DHX37: variants seen among roughly 807,000 people sequenced by gnomAD.
DHX37 encodes DEAH-box helicase 37.
Under a neutral mutation model 134.3 loss-of-function variants are expected in DHX37, and 52 were observed. That is an observed-to-expected ratio of 0.39 (90% CI 0.31 to 0.49). The LOEUF (loss-of-function observed/expected upper bound fraction) is 0.49. Among genes scored for constraint, DHX37 ranks in the 20% least tolerant of loss-of-function variants. DHX37 has a pLI of 0.93. For missense variants in DHX37, 1,344 were observed against 1,580.8 expected (o/e 0.85, Z 2.54); for synonymous variants, 634 against 670.7 (o/e 0.95, Z 0.85).
In DHX37 at chr12:124,982,611, G is replaced by A. The variant is rs780061121; in HGVS notation, c.289C>T (p.Leu97=). Residue 97 remains leucine, a synonymous_variant, in exon 3 of 27, where the codon CTA becomes TTA. Transcript: ENST00000308736. ...GCCTGGACTTCACTCAGCTTCTGTA[G>A]CATCTCTGCTCGCTGGGAAAGGAAA... ...KEKKSQRAEM[L]QKLSEVQASE... The A allele has an allele frequency of 5.6e-6, 9 of 1,613,548 alleles. No individual in the cohort carries two copies. The highest frequency in any genetic ancestry group is 7.6e-6 in the Non-Finnish European group (9 of 1,179,710).
chr12:124,986,179 A>G lies in DHX37; in HGVS notation c.193T>C (p.Ser65Pro), dbSNP rs1416814314. ...GTCAGAGGCTTCTTCTCCTTCTTCG[A>G]CAGGGGAGGGGCTTTGGTCTTCTTT... Reference protein sequence around the residue: ...KKKKTKAPPLSKKEKKPLTKK... With the variant: ...KKKKTKAPPLPKKEKKPLTKK... Residue 65 changes from serine to proline, a missense_variant, in exon 2 of 27, where the codon TCG becomes CCG. By Grantham distance (74) the Ser-to-Pro change is moderately conservative (BLOSUM62 -1). This residue lies in a region of DHX37 where 319 missense variants were observed against 296.1 expected (regional missense o/e 1.08). Transcript: ENST00000308736. 1 of 1,614,154 alleles carries G rather than the reference A, an allele frequency of 6.2e-7. No individual in the cohort carries two copies. The highest frequency in any genetic ancestry group is 1.7e-5 in the Admixed American group (1 of 60,006).
chr12:124,959,362 C>T (rs912426028), intron 16 of DHX37, among the ~76,000 whole-genome samples: 6 of 150,922 alleles, frequency 4.0e-5, no homozygotes, highest in African/African-American at 1.5e-4. Context: ...CGTGAGCCAC[C>T]ACGCCCAGCC....
rs140332998 is a variant in DHX37, at chr12:124,963,096, C to A, written c.2045+1298G>T. Among the ~76,000 whole-genome samples the A allele has an allele frequency of 1.3e-4, 20 of 152,270 alleles. 2 individuals carry two copies. Among genetic ancestry groups the A allele is most frequent in the African/African-American group, 4.6e-4 (19 of 41,562 alleles). Reference sequence around the variant, plus strand: ...CACAATAGCCAAGAGGTGAAAACAACCAAACGTCCACCAGCTGATGAACAG... The same window carrying A: ...CACAATAGCCAAGAGGTGAAAACAAACAAACGTCCACCAGCTGATGAACAG... On this transcript the variant is annotated intron_variant, in intron 15 of 26. Transcript: ENST00000308736.
chr12:124,950,221 G>A lies in DHX37; in HGVS notation c.3144C>T (p.Pro1048=), dbSNP rs111822023. The change falls in exon 24 of 27, where the codon CCC becomes CCT. Residue 1048 remains proline (P), a synonymous_variant. Transcript: ENST00000308736. ...SVFYRVGWPL[P]AIEVDFPEGI... is the part of the protein sequence containing the mutation. The stretch of plus-strand genomic sequence containing the variant: ...CCTCTGGAAAATCCACCTCGATGGC[G>A]GGGAGCGGCCAGCCCACGCGATCTA... The A allele has an allele frequency of 4.1e-5, 66 of 1,613,772 alleles. No individual in the cohort carries two copies. The highest frequency in any genetic ancestry group is 1.6e-4 in the Middle Eastern group (1 of 6,084).
chr12:124,974,652 G>A (rs1034024936), intron 6 of DHX37, among the ~76,000 whole-genome samples: 1 of 151,616 alleles, frequency 6.6e-6, no homozygotes, highest in Non-Finnish European at 1.5e-5. Flanking sequence ...TTTAGACCAT[G>A]CTGGACATGT....
Position 124,947,646 on chromosome 12 carries a change from G to T in DHX37, c.*156C>A. ...ACGGGCGGCAGCACCCTTCATACGG[G>T]ATCGAGCTCTCATGGATGAGGGTTC... On this transcript the variant is annotated 3_prime_UTR_variant, in exon 27 of 27. Coordinates refer to ENST00000308736, the MANE Select transcript of DHX37 (RefSeq NM_032656.4). 1 of 989,622 alleles carries T rather than the reference G, an allele frequency of 1.0e-6. No homozygotes were observed. The highest frequency in any genetic ancestry group is 3.0e-5 in the Admixed American group (1 of 33,332). The allele number at this position is 989,622 out of a possible 1,614,324, so 61.3% of individuals were successfully genotyped here.
Position 124,952,582 on chromosome 12 carries a change from A to G in DHX37, c.2696-12T>C. On this transcript the variant is annotated splice_polypyrimidine_tract_variant and intron_variant, in intron 20 of 26. Coordinates refer to ENST00000308736, the MANE Select transcript of DHX37 (RefSeq NM_032656.4). ...GCACACGGCATTGACTGAGGGGAGA[A>G]CCAAGAGTGAGGTCGGTGGTGGCAA... The G allele has an allele frequency of 6.4e-7, 1 of 1,562,070 alleles. No homozygotes were observed. The highest frequency in any genetic ancestry group is 8.7e-7 in the Non-Finnish European group (1 of 1,147,336).
At position 124,972,267 on chromosome 12, in the gene DHX37, G is replaced by A. The variant is rs958280883; in HGVS notation, c.1077+236C>T. 2.0e-5 allele frequency among the ~76,000 whole-genome samples: 3 copies of A among 152,256 alleles called. No individual in the cohort carries two copies. The East Asian group carries it at 5.8e-4, about 29-fold the overall frequency. The stretch of plus-strand genomic sequence containing the variant: ...TAGGTACGGGCCACTGTGCTAAGCT[G>A]TCAGCATGCACTCTACAACTTCCGC... On this transcript the variant is annotated intron_variant, in intron 7 of 26. Coordinates refer to ENST00000308736, the MANE Select transcript of DHX37 (RefSeq NM_032656.4).
chr12:124,986,588 G>A (rs1370788196), intron 1 of DHX37, among the ~76,000 whole-genome samples: 1 of 151,858 alleles, frequency 6.6e-6, no homozygotes, highest in Admixed American at 6.6e-5. Context: ...GTGGGTGCCT[G>A]CAATCCCAGC....
chr12:124,947,740 ACAGGCTGCTGC>A lies in DHX37; in HGVS notation c.*51_*61del. 6.7e-7 allele frequency: 1 copy of A among 1,502,100 alleles called. No individual in the cohort carries two copies. The highest frequency in any genetic ancestry group is 2.3e-5 in the East Asian group (1 of 43,470). 93.0% of individuals were successfully genotyped at this position (1,502,100 alleles called of 1,614,324 possible). ...GCCAGGTGGTCACGGTCGCACGGTGACAGGCTGCTGCCAGCCCTCCAGTCCCCAAACCAGTC... is the reference window on the plus strand; with the variant it reads ...GCCAGGTGGTCACGGTCGCACGGTGACAGCCCTCCAGTCCCCAAACCAGTC... On this transcript the variant is annotated 3_prime_UTR_variant, in exon 27 of 27. Transcript: ENST00000308736.
intron 20 of DHX37, chr12:124,952,883 G>A (rs958324421): frequency 9.8e-6 from 2 of 203,636 alleles, no homozygotes; most frequent in African/African-American, 4.6e-5. Flanking sequence ...ATGTGAAGAA[G>A]GAAGTTGCGG....
chr12:124,961,621 G>T (rs1324664661), intron 15 of DHX37, among the ~76,000 whole-genome samples: 1 of 152,140 alleles, frequency 6.6e-6, no homozygotes, highest in African/African-American at 2.4e-5. Context: ...TAGAGACAGG[G>T]TTTCACTATG....
At position 124,980,855 on chromosome 12, in the gene DHX37, G is replaced by A. The variant is rs765791739; in HGVS notation, c.390-17C>T. On this transcript the variant is annotated splice_polypyrimidine_tract_variant and intron_variant, in intron 3 of 26. Transcript: ENST00000308736. This position sits in a 1 kb window ranked among gnomAD's most constrained non-coding sequence, Gnocchi z 5.3. The stretch of plus-strand genomic sequence containing the variant: ...TCAGCCTTCCTGTTGAGATAGCAGA[G>A]ACTTCAGGCACAGAGGCCCCACCTC... The A allele has an allele frequency of 9.1e-6, 14 of 1,544,006 alleles. 1 individual carries two copies. The highest frequency in any genetic ancestry group is 2.6e-6 in the Non-Finnish European group (3 of 1,149,258).
chr12:124,950,322 C>G, intron 23 of DHX37, 79 bp from the exon 24 acceptor site: 1 of 1,604,506 alleles, frequency 6.2e-7, no homozygotes, highest in Non-Finnish European at 8.5e-7. Flanking sequence ...ACCCGAGACA[C>G]ACACGTCCGG....
intron 25 of DHX37, 166 bp from the exon 26 acceptor site, chr12:124,948,347 G>A (rs1446662069): frequency 9.5e-6 from 12 of 1,267,724 alleles, no homozygotes; most frequent in South Asian, 3.1e-5. Flanking sequence ...TTACTCAGGG[G>A]GCTGAAGTAG....
chr12:124,965,879 G>A, intron 12 of DHX37, 67 bp from the exon 13 acceptor site: 7 of 1,559,192 alleles, frequency 4.5e-6, no homozygotes, highest in Non-Finnish European at 6.1e-6. Flanking sequence ...GGCACGTGCA[G>A]GAAGACAGGT....
rs576525132 is a variant in DHX37 at position 124,960,328 on chromosome 12, G to A, written c.2141C>T (p.Ala714Val). The part of the protein sequence containing the change: ...PVEDLILQMK[A>V]LNVEKVINFP... ...GCAACTGACCTTTTCAACGTTGAGC[G>A]CCTTCATTTGAAGGATTAAGTCTTC... The change falls in exon 16 of 27, where the codon GCG becomes GTG. Residue 714 changes from alanine (A) to valine (V), a missense_variant. Transcript: ENST00000308736. The A allele has an allele frequency of 1.2e-4, 186 of 1,613,706 alleles. 3 individuals carry two copies. In the South Asian group the frequency reaches 1.8e-3, roughly 16 times the overall value.
intron 25 of DHX37, among the ~76,000 whole-genome samples, chr12:124,948,920 G>A (rs1335994658): frequency 6.6e-6 from 1 of 152,132 alleles, no homozygotes; most frequent in African/African-American, 2.4e-5. Flanking sequence ...ATCCACCCTG[G>A]CTGCCTCTGG....
At chr12:124,987,968 TCC>T (rs936146549) in intron 1 of DHX37, among the ~76,000 whole-genome samples, 8 of 146,320 alleles carry the variant, frequency 5.5e-5, no homozygotes, top group African/African-American at 7.5e-5. Context: ...CTGCCTCAAC[TCC>T]CAGCCTGTCT....
Sources: gnomAD v4.1 joint callset for allele counts (sites outside exome capture counted in the v4.1 genomes callset) on GRCh38, gnomAD v4.1.1 for gene constraint, gnomAD v4.1.1 regional missense constraint, Gnocchi (gnomAD v3.1) non-coding constraint, MANE v1.5 for transcripts, NCBI Gene and HGNC (gene_info 2026-07-23, HGNC 2026-07-21) for gene names.